Variants in GRAMD1A observed in about 807,000 individuals in gnomAD.
The protein encoded by GRAMD1A is GRAM domain containing 1A, also known as protein Aster-A.
Under a neutral mutation model 92.0 loss-of-function variants are expected in GRAMD1A, and 50 were observed. The observed-to-expected ratio is 0.54, with a 90% CI of 0.43 to 0.69. The LOEUF (loss-of-function observed/expected upper bound fraction) is 0.69, where lower values mean the gene tolerates loss of function less well. Ranked by LOEUF, GRAMD1A falls within the 30% of genes least tolerant of loss-of-function variation. The pLI, the probability that GRAMD1A is intolerant of heterozygous loss-of-function variation, is 0.00. For missense variants in GRAMD1A, 819 were observed against 978.9 expected (o/e 0.84, Z 2.18); for synonymous variants, 405 against 403.6 (o/e 1.00, Z -0.04).
Position 35,000,392 on chromosome 19 carries a change from C to A in GRAMD1A, c.-87C>A. On this transcript the variant is annotated 5_prime_UTR_variant, in exon 1 of 20. Coordinates refer to ENST00000317991, the MANE Select transcript of GRAMD1A (RefSeq NM_020895.5). The surrounding 1 kb of genome is among the most constrained non-coding windows in gnomAD (Gnocchi z 4.9). Reference sequence around the variant, plus strand: ...AGGCCAGGCCGGTGCCCTGCGGGGACGCCCAGCGCAGCCCAGCCCCGCGCA... The same window carrying A: ...AGGCCAGGCCGGTGCCCTGCGGGGAAGCCCAGCGCAGCCCAGCCCCGCGCA... 1 of 1,152,488 alleles carries A rather than the reference C, an allele frequency of 8.7e-7. No individual in the cohort carries two copies. The highest frequency in any genetic ancestry group is 1.1e-6 in the Non-Finnish European group (1 of 939,846). The allele number at this position is 1,152,488 out of a possible 1,614,324, so 71.4% of individuals were successfully genotyped here.
intron 1 of GRAMD1A, among the ~76,000 whole-genome samples, chr19:35,006,556 C>A (rs2014830951): frequency 6.6e-6 from 1 of 152,188 alleles, no homozygotes; most frequent in African/African-American, 2.4e-5. Flanking sequence ...TATTACAGTT[C>A]GTGTTTGCAC....
intron 10 of GRAMD1A, chr19:35,014,631 A>G (rs529939045): frequency 5.5e-4 from 311 of 562,962 alleles, no homozygotes; most frequent in Admixed American, 8.5e-4. Flanking sequence ...CTTCCTGACC[A>G]TGTCACGTGG....
At position 35,021,465 on chromosome 19, in the gene GRAMD1A, A is replaced by C. The variant is rs2151733306; in HGVS notation, c.1476-37A>C. The stretch of plus-strand genomic sequence containing the variant: ...GGACGGGGCAGCCAGGGCTGGAGTC[A>C]GACCCTTACCTCCTTCCCCTGATCT... On this transcript the variant is annotated intron_variant, in intron 13 of 19. Transcript: ENST00000317991. The surrounding 1 kb of genome is among the most constrained non-coding windows in gnomAD (Gnocchi z 5.3). 1 of 1,496,608 alleles carries C rather than the reference A, an allele frequency of 6.7e-7. No homozygotes were observed. Among genetic ancestry groups the C allele is most frequent in the African/African-American group, 1.4e-5 (1 of 72,628 alleles). The allele number at this position is 1,496,608 out of a possible 1,614,324, so 92.7% of individuals were successfully genotyped here.
At chr19:35,001,188 A>G (rs2014341351) in intron 1 of GRAMD1A, 1 of 151,900 alleles carries the variant, frequency 6.6e-6, no homozygotes, top group African/African-American at 2.4e-5. Flanking sequence ...TGGGCCTCTG[A>G]TAGAGTTCCT....
chr19:35,010,597 GA>G, intron 6 of GRAMD1A: 2 of 599,976 alleles, frequency 3.3e-6, no homozygotes, highest in Non-Finnish European at 5.9e-6. Flanking sequence ...AGCTGCTCAG[GA>G]ACAGCAGAAA....
intron 1 of GRAMD1A, among the ~76,000 whole-genome samples, chr19:35,001,545 C>A (rs1232527663): frequency 2.0e-5 from 3 of 151,766 alleles, no homozygotes; most frequent in Non-Finnish European, 4.4e-5. Context: ...GCCTGGGGCT[C>A]TGGGTTCTAC....
chr19:35,019,355 G>C (rs554555999), intron 12 of GRAMD1A, 36 bp from the exon 13 acceptor site: 4 of 1,613,176 alleles, frequency 2.5e-6, no homozygotes, highest in South Asian at 2.2e-5. Context: ...CTGGGTGAGT[G>C]GGGTGGCCCT....
upstream of GRAMD1A, chr19:34,996,356 G>C: frequency 7.5e-7 from 1 of 1,331,638 alleles, no homozygotes; most frequent in East Asian, 2.5e-5. Context: ...TCTCTGTCAA[G>C]GGTGGGTTCC....
At chr19:35,005,986 C>T (rs1052365775) in intron 1 of GRAMD1A, 3 of 456,052 alleles carry the variant, frequency 6.6e-6, no homozygotes, top group East Asian at 6.9e-5. Context: ...CCACCTGCAC[C>T]CCAGAATACA....
At chr19:35,015,593 T>G in intron 10 of GRAMD1A, 1 of 488,456 alleles carries the variant, frequency 2.0e-6, no homozygotes, top group South Asian at 3.1e-5. Context: ...AGGGCCTAGG[T>G]GTGTTCTCCA....
intron 16 of GRAMD1A, among the ~76,000 whole-genome samples, chr19:35,022,542 G>A (rs542605960): frequency 2.7e-4 from 40 of 149,554 alleles, no homozygotes; most frequent in Admixed American, 5.3e-4. Context: ...GGAGGCCAGC[G>A]GCGGCTTCCT....
intron 1 of GRAMD1A, among the ~76,000 whole-genome samples, chr19:35,007,281 C>T (rs973878916): frequency 2.0e-5 from 3 of 152,174 alleles, no homozygotes; most frequent in Non-Finnish European, 4.4e-5. Context: ...ATGCTGGGTG[C>T]GGTGGCTCAC....
chr19:35,026,124 G>T lies in GRAMD1A; in HGVS notation c.2158G>T (p.Asp720Tyr). Residue 720 changes from aspartate (D) to tyrosine (Y), a missense_variant, in exon 20 of 20, where the codon GAT (aspartate) becomes TAT (tyrosine). Coordinates refer to ENST00000317991, the MANE Select transcript of GRAMD1A (RefSeq NM_020895.5). ...TCCCTTTGACACCCAGCCCCGGCCC[G>T]ATGACAGCTTTTCCTGAGGACCCCG... ...DPPFDTQPRP[D>Y]DSFS is the part of the protein sequence containing the mutation. The T allele has an allele frequency of 6.3e-7, 1 of 1,577,188 alleles. No homozygotes were observed.
At position 35,013,724 on chromosome 19, in the gene GRAMD1A, T is replaced by C; in HGVS notation, c.870+33T>C. ...GTGGGTTGGAAGAGGGGTGGGATAC[T>C]GATAGGAAGAGAGAGGAGGGCTGGG... On this transcript the variant is annotated intron_variant, in intron 9 of 19. Coordinates refer to ENST00000317991, the MANE Select transcript of GRAMD1A (RefSeq NM_020895.5). The surrounding 1 kb of genome is among the most constrained non-coding windows in gnomAD (Gnocchi z 4.9). 6.4e-7 allele frequency: 1 copy of C among 1,572,976 alleles called. No individual in the cohort carries two copies. Among genetic ancestry groups the C allele is most frequent in the African/African-American group, 1.4e-5 (1 of 73,878 alleles).
chr19:35,017,332 G>A (rs1415628715), intron 11 of GRAMD1A, among the ~76,000 whole-genome samples: 1 of 152,102 alleles, frequency 6.6e-6, no homozygotes. Context: ...CTAATACAGA[G>A]CTCCTCAGCC....
rs555755876 is a variant in GRAMD1A at position 35,021,966 on chromosome 19, G to T, written c.1769G>T (p.Arg590Leu). The change falls in exon 16 of 20, where the codon CGC becomes CTC. Residue 590 changes from arginine (R) to leucine (L), a missense_variant. Physicochemically the swap from Arg to Leu is moderately radical, Grantham distance 102 (BLOSUM62 -2). This residue lies in a region of GRAMD1A where 577 missense variants were observed against 674.6 expected (regional missense o/e 0.86). Transcript: ENST00000317991. This position sits in a 1 kb window ranked among gnomAD's most constrained non-coding sequence, Gnocchi z 5.3. Reference sequence around the variant, plus strand: ...TCTCCTGCAGGCTCCCTCAGCTCCCGCTTCTCCGAACCATCTGTGGACCAG... The same window carrying T: ...TCTCCTGCAGGCTCCCTCAGCTCCCTCTTCTCCGAACCATCTGTGGACCAG... ...GIHTSGSLSSRFSEPSVDQGP... is the reference protein window; with the variant it reads ...GIHTSGSLSSLFSEPSVDQGP... The T allele has an allele frequency of 1.2e-6, 2 of 1,614,040 alleles. No individual in the cohort carries two copies. The highest frequency in any genetic ancestry group is 1.7e-6 in the Non-Finnish European group (2 of 1,179,976).
At chr19:35,023,188 C>A in intron 17 of GRAMD1A, 48 bp from the exon 18 acceptor site, 2 of 1,354,772 alleles carry the variant, frequency 1.5e-6, no homozygotes, top group South Asian at 1.2e-5. Flanking sequence ...TGGGGGTGTT[C>A]AGAGCATCTA....
At chr19:35,009,624 G>A (rs2015074926) in intron 3 of GRAMD1A, 181 bp downstream of exon 3, 7 of 694,204 alleles carry the variant, frequency 1.0e-5, no homozygotes, top group Admixed American at 2.3e-5. Context: ...ACCTCTCTGG[G>A]CCTCTCTCTG....
Position 35,014,276 on chromosome 19 carries a change from A to G in GRAMD1A, c.958A>G (p.Thr320Ala), listed in dbSNP as rs749813438. 5 of 1,613,996 alleles carry G rather than the reference A, an allele frequency of 3.1e-6. No individual in the cohort carries two copies. The African/African-American group carries it at 6.7e-5, about 22-fold the overall frequency. Residue 320 changes from threonine to alanine, a missense_variant, in exon 10 of 20, where the codon ACA (threonine) becomes GCA (alanine). Physicochemically the swap from Thr to Ala is moderately conservative, Grantham distance 58 (BLOSUM62 0). Around this residue, in one of 3 missense-constraint regions of GRAMD1A, gnomAD observed 577 missense variants for 674.6 expected, o/e 0.86. Coordinates refer to ENST00000317991, the MANE Select transcript of GRAMD1A (RefSeq NM_020895.5). ...TVTPVAEPPS[T>A]EPTQPDGPTT... ...GACCCCGGTGGCTGAACCCCCGAGC[A>G]CAGAGCCCACCCAGCCTGACGGGCC...
Sources: allele counts gnomAD v4.1 joint callset (sites outside exome capture counted in the v4.1 genomes callset), GRCh38; gene constraint gnomAD v4.1.1; regional missense constraint gnomAD v4.1.1; non-coding constraint Gnocchi (gnomAD v3.1); transcripts MANE v1.5; gene names NCBI Gene and HGNC (gene_info 2026-07-23, HGNC 2026-07-21).